Variants in RAB38 observed in about 807,000 individuals in gnomAD.
The protein encoded by RAB38 is RAB38, member RAS oncogene family.
RAB38 carries 15 observed loss-of-function variants against 18.4 expected under a neutral mutation model. That is an observed-to-expected ratio of 0.82 (90% CI 0.55 to 1.26). The LOEUF is 1.26. Ranked by LOEUF, RAB38 falls within the 50% of genes most tolerant of loss-of-function variation. The pLI is 0.00. For synonymous variants in RAB38, 101 were observed against 104.4 expected (o/e 0.97, Z 0.20); for missense variants, 294 against 267.4 (o/e 1.10, Z -0.69).
chr11:88,022,630 A>AC, the RAB38 span, among the ~76,000 whole-genome samples: 36 of 151,216 alleles, frequency 2.4e-4, no homozygotes, highest in African/African-American at 8.7e-4. Flanking sequence ...AAAAAAAAAA[A>AC]AACAACTATT....
chr11:88,132,136 C>T (rs980065323), intron 2 of RAB38, among the ~76,000 whole-genome samples: 2 of 152,202 alleles, frequency 1.3e-5, no homozygotes, highest in Admixed American at 1.3e-4. Context: ...CCAACCTGTG[C>T]TAGGACTACT....
intron 1 of RAB38, among the ~76,000 whole-genome samples, chr11:88,151,520 T>G (rs990471346): frequency 1.3e-5 from 2 of 152,196 alleles, no homozygotes; most frequent in African/African-American, 4.8e-5. Context: ...TTATTCTGAT[T>G]TGGGAATTTA....
At chr11:87,827,378 A>G in the RAB38 span, among the ~76,000 whole-genome samples, 1 of 151,274 alleles carries the variant, frequency 6.6e-6, no homozygotes, top group Non-Finnish European at 1.5e-5. Flanking sequence ...GGAGCTCTTT[A>G]TTGGAAAGTT....
chr11:87,937,343 T>C, the RAB38 span, among the ~76,000 whole-genome samples: 1 of 137,302 alleles, frequency 7.3e-6, no homozygotes, highest in Admixed American at 7.4e-5. Flanking sequence ...TATATATATA[T>C]ATATATATCA....
the RAB38 span, among the ~76,000 whole-genome samples, chr11:88,100,829 A>G: frequency 6.6e-6 from 1 of 151,996 alleles, no homozygotes; most frequent in Non-Finnish European, 1.5e-5. Flanking sequence ...CCTGTAGGTT[A>G]TAATTTCAAG....
At chr11:87,954,223 T>C in the RAB38 span, among the ~76,000 whole-genome samples, 1 of 152,176 alleles carries the variant, frequency 6.6e-6, no homozygotes, top group Non-Finnish European at 1.5e-5. Context: ...TTGTCCTTCT[T>C]GTGAGAGGAC....
chr11:87,917,457 TTATTATTGAC>T, the RAB38 span, among the ~76,000 whole-genome samples: 1 of 151,776 alleles, frequency 6.6e-6, no homozygotes. Flanking sequence ...TGGTGATACA[TTATTATTGAC>T]TATATCACCA....
chr11:88,155,553 A>T lies in RAB38; in HGVS notation c.203-5598T>A, dbSNP rs185322130. Among the ~76,000 whole-genome samples the T allele has an allele frequency of 2.7e-4, 41 of 152,336 alleles. 1 individual carries two copies. The highest frequency in any genetic ancestry group is 9.6e-4 in the African/African-American group (40 of 41,596). On this transcript the variant is annotated intron_variant, in intron 1 of 2. Transcript: ENST00000243662. ...AAAGAAAAAAGTCCTACAAACATGA[A>T]AATAATTACAAAAATTAGAAGTGCC... is the stretch of plus-strand genomic sequence containing the variant.
the RAB38 span, among the ~76,000 whole-genome samples, chr11:87,942,362 T>A: frequency 6.6e-6 from 1 of 152,136 alleles, no homozygotes; most frequent in South Asian, 2.1e-4. Context: ...AAATTTTTCA[T>A]TGTAAACCTG....
the RAB38 span, among the ~76,000 whole-genome samples, chr11:87,832,431 G>A: frequency 1.3e-5 from 2 of 152,280 alleles, no homozygotes; most frequent in African/African-American, 4.8e-5. Flanking sequence ...CAGAAATCAA[G>A]GTATCTGTTA....
chr11:88,152,243 G>C (rs1404459253), intron 1 of RAB38, among the ~76,000 whole-genome samples: 1 of 152,100 alleles, frequency 6.6e-6, no homozygotes, highest in Non-Finnish European at 1.5e-5. Flanking sequence ...ATCAGATGAA[G>C]AGCAAAGTCA....
At chr11:88,110,497 T>G (rs113901568), downstream of RAB38, among the ~76,000 whole-genome samples, 11,221 of 152,060 alleles carry the variant, frequency 0.074, 714 homozygotes, top group African/African-American at 0.17. Context: ...ATTCTGCATA[T>G]GTATCCCAGA....
chr11:88,141,752 A>T (rs1054356871), intron 2 of RAB38, among the ~76,000 whole-genome samples: 1 of 152,098 alleles, frequency 6.6e-6, no homozygotes, highest in South Asian at 2.1e-4. Context: ...CATTGTCAGC[A>T]CTTTCTGTTA....
the RAB38 span, among the ~76,000 whole-genome samples, chr11:87,830,013 T>A: frequency 6.6e-6 from 1 of 152,202 alleles, no homozygotes; most frequent in Non-Finnish European, 1.5e-5. Context: ...AATTGAATAG[T>A]CAGTTCAGTC....
At chr11:87,848,418 G>A in the RAB38 span, among the ~76,000 whole-genome samples, 1 of 152,088 alleles carries the variant, frequency 6.6e-6, no homozygotes, top group Non-Finnish European at 1.5e-5. Context: ...TAAAATACTG[G>A]AAGTTGACAT....
chr11:88,094,092 C>T, the RAB38 span, among the ~76,000 whole-genome samples: 15 of 151,948 alleles, frequency 9.9e-5, no homozygotes, highest in African/African-American at 3.6e-4. Context: ...GACAGCTCCA[C>T]TCCCCAAAGC....
chr11:88,079,153 C>G, the RAB38 span, among the ~76,000 whole-genome samples: 1 of 151,710 alleles, frequency 6.6e-6, no homozygotes, highest in Non-Finnish European at 1.5e-5. Flanking sequence ...GAGACCAAAA[C>G]TTCTTTGAAA....
chr11:88,154,783 T>C (rs529094254), intron 1 of RAB38, among the ~76,000 whole-genome samples: 13 of 152,328 alleles, frequency 8.5e-5, no homozygotes, highest in East Asian at 3.9e-4. Context: ...CCAGGGCAGA[T>C]CTCTGGGCAT....
At chr11:87,975,116 G>A in the RAB38 span, among the ~76,000 whole-genome samples, 1 of 151,892 alleles carries the variant, frequency 6.6e-6, no homozygotes, top group South Asian at 2.1e-4. Context: ...ATCTTCCCAT[G>A]GTGTTCTCTG....
Sources: gnomAD v4.1 joint callset for allele counts (sites outside exome capture counted in the v4.1 genomes callset) on GRCh38, gnomAD v4.1.1 for gene constraint, MANE v1.5 for transcripts, NCBI Gene and HGNC (gene_info 2026-07-23, HGNC 2026-07-21) for gene names.